ADAMTS17: variants seen among roughly 807,000 people sequenced by gnomAD.
ADAMTS17 encodes the protein A disintegrin and metalloproteinase with thrombospondin motifs 17.
Under a neutral mutation model 141.5 loss-of-function variants are expected in ADAMTS17, and 113 were observed. The ratio of observed to expected loss-of-function variants is 0.80; its 90% CI spans 0.69 to 0.93. ADAMTS17 has a LOEUF of 0.93. Ranked by LOEUF, ADAMTS17 falls within the 40% of genes least tolerant of loss-of-function variation. ADAMTS17 has a pLI of 0.00. For synonymous variants in ADAMTS17, 768 were observed against 630.6 expected (o/e 1.22, Z -3.27); for missense variants, 1,659 against 1,517.9 (o/e 1.09, Z -1.54).
At chr15:100,304,417 G>A (rs1308371008) in intron 3 of ADAMTS17, among the ~76,000 whole-genome samples, 1 of 152,168 alleles carries the variant, frequency 6.6e-6, no homozygotes, top group Non-Finnish European at 1.5e-5. Flanking sequence ...AAATCTGTGA[G>A]TCCATGTAAA....
intron 4 of ADAMTS17, among the ~76,000 whole-genome samples, chr15:100,279,127 G>A (rs11247179): frequency 0.43 from 64,992 of 151,866 alleles, 14,785 homozygotes; most frequent in South Asian, 0.59. Flanking sequence ...CGCCCAATCC[G>A]CCTCTAAAAC....
rs540263029 is a variant in ADAMTS17 at position 100,117,292 on chromosome 15, C to T, written c.1722-279G>A. ...TGAGTTTGGCAAGATCCACACATTG[C>T]GTCCTTCATCTGAACTTAAAATTTG... On this transcript the variant is annotated intron_variant, in intron 12 of 21. Transcript: ENST00000268070. Among the ~76,000 whole-genome samples the T allele has an allele frequency of 4.6e-5, 7 of 152,248 alleles. No individual in the cohort carries two copies. In the East Asian group the frequency reaches 7.7e-4, roughly 17 times the overall value.
At chr15:100,049,038 C>G in intron 17 of ADAMTS17, 46 bp from the exon 18 acceptor site, 1 of 1,613,872 alleles carries the variant, frequency 6.2e-7, no homozygotes, top group Non-Finnish European at 8.5e-7. Context: ...GCTGCACCCA[C>G]GTGGAAAGGC....
At chr15:100,146,563 A>G (rs1021779800) in intron 10 of ADAMTS17, among the ~76,000 whole-genome samples, 6 of 152,210 alleles carry the variant, frequency 3.9e-5, no homozygotes, top group Non-Finnish European at 7.3e-5. Context: ...TGTGTGTTTG[A>G]ACAAATATGA....
chr15:100,036,535 G>A (rs533997224), intron 18 of ADAMTS17, among the ~76,000 whole-genome samples: 4 of 152,338 alleles, frequency 2.6e-5, no homozygotes, highest in East Asian at 3.9e-4. Flanking sequence ...GCCTGCGGGA[G>A]GCCTCTCCTT....
intron 14 of ADAMTS17, among the ~76,000 whole-genome samples, chr15:100,101,446 T>A (rs939165782): frequency 6.6e-6 from 1 of 152,218 alleles, no homozygotes; most frequent in Non-Finnish European, 1.5e-5. Flanking sequence ...GATGCAGGAA[T>A]AAACGAAATT....
chr15:100,273,811 G>A (rs991339875), intron 4 of ADAMTS17, among the ~76,000 whole-genome samples: 5 of 152,038 alleles, frequency 3.3e-5, no homozygotes, highest in Non-Finnish European at 7.4e-5. Context: ...AGTGTTTACC[G>A]CTATACATGC....
intron 14 of ADAMTS17, among the ~76,000 whole-genome samples, chr15:100,097,139 A>C (rs893961715): frequency 6.6e-6 from 1 of 152,238 alleles, no homozygotes; most frequent in African/African-American, 2.4e-5. Flanking sequence ...TTTTCTAAAA[A>C]GCAGAAAAAG....
At chr15:100,090,008 A>C (rs950509468) in intron 15 of ADAMTS17, among the ~76,000 whole-genome samples, 58 of 150,462 alleles carry the variant, frequency 3.9e-4, no homozygotes, top group African/African-American at 1.4e-3. Flanking sequence ...AAAAAAAAAC[A>C]AAATAAAATT....
intron 18 of ADAMTS17, among the ~76,000 whole-genome samples, chr15:100,022,874 T>C (rs2061430606): frequency 6.6e-6 from 1 of 152,226 alleles, no homozygotes; most frequent in East Asian, 1.9e-4. Context: ...TTCATTTTAT[T>C]TCTGGCTGTA....
intron 12 of ADAMTS17, among the ~76,000 whole-genome samples, chr15:100,122,647 A>C (rs1489026577): frequency 6.6e-6 from 1 of 152,238 alleles, no homozygotes; most frequent in African/African-American, 2.4e-5. Flanking sequence ...TCACATAATT[A>C]ACATGTTTTG....
intron 7 of ADAMTS17, among the ~76,000 whole-genome samples, chr15:100,234,340 T>C (rs542777588): frequency 5.9e-5 from 9 of 152,314 alleles, no homozygotes; most frequent in African/African-American, 1.9e-4. Context: ...TCGTTCCACA[T>C]TTGATCCCCA....
intron 3 of ADAMTS17, among the ~76,000 whole-genome samples, chr15:100,320,173 A>G (rs543594666): frequency 2.6e-5 from 4 of 152,316 alleles, no homozygotes; most frequent in African/African-American, 9.6e-5. Context: ...GAGAACACAG[A>G]GATGGAGACC....
chr15:100,337,300 C>T (rs556371021), intron 2 of ADAMTS17, among the ~76,000 whole-genome samples: 7 of 152,340 alleles, frequency 4.6e-5, no homozygotes, highest in African/African-American at 9.6e-5. Flanking sequence ...CCACAAATGA[C>T]GTGCTACCAA....
At chr15:100,269,153 G>A (rs12439714) in intron 4 of ADAMTS17, among the ~76,000 whole-genome samples, 19,929 of 152,160 alleles carry the variant, frequency 0.13, 1,441 homozygotes, top group East Asian at 0.31. Flanking sequence ...GATTAAATGC[G>A]AGTCCTCAAA....
chr15:100,213,035 G>A (rs895347274), intron 7 of ADAMTS17, among the ~76,000 whole-genome samples: 1 of 152,080 alleles, frequency 6.6e-6, no homozygotes, highest in African/African-American at 2.4e-5. Flanking sequence ...GCACATATCC[G>A]TAGTTTAACA....
intron 3 of ADAMTS17, among the ~76,000 whole-genome samples, chr15:100,326,720 C>G (rs983797190): frequency 5.9e-5 from 9 of 152,168 alleles, no homozygotes; most frequent in African/African-American, 1.9e-4. Context: ...CTGCCATAAA[C>G]CTTTGCAGCT....
At chr15:100,338,034 A>C (rs934407306) in intron 2 of ADAMTS17, among the ~76,000 whole-genome samples, 3 of 152,236 alleles carry the variant, frequency 2.0e-5, no homozygotes, top group African/African-American at 7.2e-5. Flanking sequence ...ACTTCCAAAA[A>C]ACCCATGCTC....
At chr15:100,092,655 C>A (rs1434866074) in intron 15 of ADAMTS17, among the ~76,000 whole-genome samples, 3 of 152,198 alleles carry the variant, frequency 2.0e-5, no homozygotes, top group African/African-American at 7.2e-5. Flanking sequence ...TGGAACCTGG[C>A]ATGTGGCAGG....
Sources: allele counts gnomAD v4.1 joint callset (sites outside exome capture counted in the v4.1 genomes callset), GRCh38; gene constraint gnomAD v4.1.1; transcripts MANE v1.5; gene names NCBI Gene and HGNC (gene_info 2026-07-23, HGNC 2026-07-21).